CSMD2: variants seen among roughly 807,000 people sequenced by gnomAD.
The protein encoded by CSMD2 is CUB and sushi domain-containing protein 2.
In CSMD2, 130 loss-of-function variants were observed where a neutral mutation model predicts 398.5. The ratio of observed to expected loss-of-function variants is 0.33; its 90% CI spans 0.28 to 0.38. CSMD2 has a LOEUF of 0.38. Ranked by LOEUF, CSMD2 falls within the 10% of genes least tolerant of loss-of-function variation. The pLI, the probability that CSMD2 is intolerant of heterozygous loss-of-function variation, is 1.00. For synonymous variants in CSMD2, 1,828 were observed against 1,908.5 expected (o/e 0.96, Z 1.10); for missense variants, 3,829 against 4,764.9 (o/e 0.80, Z 5.78).
At chr1:33,652,892 C>T (rs532328674) in intron 27 of CSMD2, among the ~76,000 whole-genome samples, 1 of 152,254 alleles carries the variant, frequency 6.6e-6, no homozygotes, top group East Asian at 1.9e-4. Flanking sequence ...GCAGCTGGGA[C>T]TACAGGCGCC....
intron 10 of CSMD2, among the ~76,000 whole-genome samples, chr1:33,805,968 A>T (rs887450032): frequency 6.6e-6 from 1 of 152,090 alleles, no homozygotes; most frequent in African/African-American, 2.4e-5. Context: ...GAATGGAGGA[A>T]TCTAAAATGT....
intron 25 of CSMD2, among the ~76,000 whole-genome samples, chr1:33,671,687 G>C (rs1644504779): frequency 6.6e-6 from 1 of 152,056 alleles, no homozygotes. Context: ...ACTCCACTGT[G>C]CTTTGCTGAG....
chr1:34,159,814 G>A (rs1641165210), intron 1 of CSMD2, among the ~76,000 whole-genome samples: 1 of 152,202 alleles, frequency 6.6e-6, no homozygotes, highest in Admixed American at 6.5e-5. Context: ...AGGTGGGGAA[G>A]GACATGGTGA....
rs139766416 is a variant in CSMD2, at chr1:33,587,025, C to T, written c.6937+63G>A. 1.1e-3 allele frequency: 1,468 copies of T among 1,348,460 alleles called. 12 individuals are homozygous for T. Among genetic ancestry groups the T allele is most frequent in the Middle Eastern group, 1.2e-3 (6 of 5,018 alleles). 83.5% of individuals were successfully genotyped at this position (1,348,460 alleles called of 1,614,324 possible). Reference sequence around the variant, plus strand: ...GGTCCACTGGCCCGACAGCTCCCCCCGCCACCTTCCCTTCCTTCCCCAGTC... The same window carrying T: ...GGTCCACTGGCCCGACAGCTCCCCCTGCCACCTTCCCTTCCTTCCCCAGTC... On this transcript the variant is annotated intron_variant, in intron 45 of 70. Transcript: ENST00000373381.
At chr1:33,685,174 C>T (rs566379274) in intron 25 of CSMD2, among the ~76,000 whole-genome samples, 1 of 152,308 alleles carries the variant, frequency 6.6e-6, no homozygotes, top group East Asian at 1.9e-4. Flanking sequence ...GGAGCTGCGG[C>T]AGCCAACTAG....
In CSMD2 at chr1:33,580,619, T is replaced by C. The variant is rs977249379; in HGVS notation, c.7387+134A>G. ...GGGAATGGAATAGAAAAATAGGAGG[T>C]AGGGGAATGGCAAAGACCACTTAGC... On this transcript the variant is annotated intron_variant, in intron 48 of 70. Transcript: ENST00000373381. 6 of 812,696 alleles carry C rather than the reference T, an allele frequency of 7.4e-6. No homozygotes were observed. In the African/African-American group the frequency reaches 1.0e-4, roughly 14 times the overall value. The allele number at this position is 812,696 out of a possible 1,614,324, so 50.3% of individuals were successfully genotyped here. A position where few individuals can be genotyped will look rare whatever the true frequency, so the allele number is the denominator to read the frequency against.
chr1:34,026,669 C>T (rs1186107242), intron 3 of CSMD2, among the ~76,000 whole-genome samples: 2 of 152,230 alleles, frequency 1.3e-5, no homozygotes, highest in African/African-American at 2.4e-5. Context: ...CCATCACGCT[C>T]GCTTACCTGG....
intron 4 of CSMD2, among the ~76,000 whole-genome samples, chr1:33,934,607 T>C (rs940097450): frequency 3.3e-5 from 5 of 152,234 alleles, no homozygotes; most frequent in Admixed American, 6.5e-5. Context: ...GCAATACGTA[T>C]TGGAAGAAGA....
At chr1:33,610,293 T>C (rs1640909875) in intron 41 of CSMD2, among the ~76,000 whole-genome samples, 1 of 151,860 alleles carries the variant, frequency 6.6e-6, no homozygotes. Flanking sequence ...TTTTTAAAAA[T>C]TCAGTGGAAG....
At chr1:33,541,427 C>T (rs1656327487) in intron 58 of CSMD2, 118 bp from the exon 59 acceptor site, 3 of 769,616 alleles carry the variant, frequency 3.9e-6, no homozygotes, top group Admixed American at 4.5e-5. Context: ...ATCAGGGATG[C>T]CCTGTCTCCT....
At chr1:33,707,091 C>T (rs1430553918) in intron 22 of CSMD2, among the ~76,000 whole-genome samples, 2 of 152,144 alleles carry the variant, frequency 1.3e-5, no homozygotes, top group African/African-American at 4.8e-5. Context: ...GTTGAGTGTG[C>T]ACACCTGCTG....
At chr1:33,769,001 T>G (rs1312892067) in intron 13 of CSMD2, among the ~76,000 whole-genome samples, 5 of 152,206 alleles carry the variant, frequency 3.3e-5, no homozygotes. Flanking sequence ...TTGAAGCTTC[T>G]TTTGAAAGTG....
intron 3 of CSMD2, among the ~76,000 whole-genome samples, chr1:34,026,140 T>C (rs1410556741): frequency 6.6e-6 from 1 of 152,214 alleles, no homozygotes; most frequent in Non-Finnish European, 1.5e-5. Context: ...CTCTAAGAAG[T>C]ATTATTCTTA....
chr1:33,703,063 T>C (rs1389974775), intron 22 of CSMD2, among the ~76,000 whole-genome samples: 1 of 152,214 alleles, frequency 6.6e-6, no homozygotes, highest in Non-Finnish European at 1.5e-5. Flanking sequence ...TCTATTCCTG[T>C]GCATGACCCA....
intron 59 of CSMD2, among the ~76,000 whole-genome samples, 163 bp from the exon 60 acceptor site, chr1:33,540,861 C>T (rs1048520689): frequency 6.6e-6 from 1 of 152,180 alleles, no homozygotes; most frequent in Non-Finnish European, 1.5e-5. Flanking sequence ...GATCTTTTTG[C>T]ACCTTACAAT....
intron 15 of CSMD2, among the ~76,000 whole-genome samples, chr1:33,735,184 A>G (rs1410710847): frequency 6.6e-6 from 1 of 152,224 alleles, no homozygotes; most frequent in Non-Finnish European, 1.5e-5. Context: ...GTAACAGGGT[A>G]GCCAAGAGTC....
chr1:33,940,988 A>AT (rs960634818), intron 3 of CSMD2, among the ~76,000 whole-genome samples: 81 of 148,136 alleles, frequency 5.5e-4, no homozygotes, highest in Middle Eastern at 3.5e-3. Context: ...GTGTTCTTTG[A>AT]TTTTTTTTTT....
intron 3 of CSMD2, among the ~76,000 whole-genome samples, chr1:33,964,198 G>T (rs1443411494): frequency 6.6e-6 from 1 of 151,832 alleles, no homozygotes; most frequent in African/African-American, 2.4e-5. Flanking sequence ...AGACTGTCCG[G>T]GTTCAAATCC....
chr1:33,750,278 C>T (rs779779958), intron 13 of CSMD2, among the ~76,000 whole-genome samples: 11 of 151,968 alleles, frequency 7.2e-5, no homozygotes, highest in Non-Finnish European at 1.0e-4. Flanking sequence ...TGAAAACAGC[C>T]GAGCTCTCCT....
Sources: allele counts gnomAD v4.1 joint callset (sites outside exome capture counted in the v4.1 genomes callset), GRCh38; gene constraint gnomAD v4.1.1; transcripts MANE v1.5; gene names NCBI Gene and HGNC (gene_info 2026-07-23, HGNC 2026-07-21).